TEDC2: variants seen among roughly 807,000 people sequenced by gnomAD.
The protein encoded by TEDC2 is tubulin epsilon and delta complex 2, also known as tubulin epsilon and delta complex protein 2.
TEDC2 carries 49 observed loss-of-function variants against 48.1 expected under a neutral mutation model. The observed-to-expected ratio is 1.02, with a 90% CI of 0.81 to 1.29. The LOEUF is 1.29. Among genes scored for constraint, TEDC2 ranks in the 50% most tolerant of loss-of-function variants. The pLI is 0.00. For synonymous variants in TEDC2, 299 were observed against 247.1 expected, an observed-to-expected ratio of 1.21 and a Z score of -1.97; for missense variants, 631 against 571.4, an observed-to-expected ratio of 1.10 and a Z score of -1.06.
rs1337987528 is a variant in TEDC2, at chr16:2,464,084, C to T, written c.1010C>T (p.Pro337Leu). ...AGACCATGTCCTGTGGGGAGGCCCC[C>T]CGGAGCCTCGCCGTCCTGTGGGGGT... ...PPRPCPVGRP[P>L]GASPSCGGRA... The change falls in exon 9 of 10, where the codon CCC becomes CTC. Residue 337 changes from proline to leucine, a missense_variant. Transcript: ENST00000361837. 5.0e-6 allele frequency: 8 copies of T among 1,612,890 alleles called. No homozygotes were observed. Among genetic ancestry groups the T allele is most frequent in the South Asian group, 1.1e-5 (1 of 91,070 alleles).
chr16:2,463,627 CAAA>C (rs56380126), intron 8 of TEDC2, among the ~76,000 whole-genome samples: 41 of 103,210 alleles, frequency 4.0e-4, no homozygotes, highest in African/African-American at 1.1e-3. Context: ...ACTCCGTCTC[CAAA>C]AAAAAAAAAA....
Position 2,460,529 on chromosome 16 carries a change from C to T in TEDC2, c.126-94C>T, listed in dbSNP as rs553994124. The T allele has an allele frequency of 1.9e-6, 3 of 1,552,100 alleles. No individual in the cohort carries two copies. The East Asian group carries it at 6.9e-5, about 36-fold the overall frequency. ...CCCTCCTTACCCTGCAGGCTCTGAG[C>T]TGGGGGCCTGCCGCGGGGCCCGGCG... On this transcript the variant is annotated intron_variant, in intron 2 of 9. Transcript: ENST00000361837.
In TEDC2 at chr16:2,462,421, G is replaced by A. The variant is rs2065472371; in HGVS notation, c.757G>A (p.Gly253Arg). Reference sequence around the variant, plus strand: ...TTTCCTGACCCATATCCAGTCAGGCGGGCCCCAGCCCAGGCTCAGTGCTGT... The same window carrying A: ...TTTCCTGACCCATATCCAGTCAGGCAGGCCCCAGCCCAGGCTCAGTGCTGT... The part of the protein sequence containing the change: ...FLQNMQTASG[G>R]PQPRLSAVEV... The change falls in exon 7 of 10, where the codon GGG becomes AGG. Residue 253 changes from glycine (G) to arginine (R), a missense_variant. Coordinates refer to ENST00000361837, the MANE Select transcript of TEDC2 (RefSeq NM_025108.3). 12 of 1,611,986 alleles carry A rather than the reference G, an allele frequency of 7.4e-6. No homozygotes were observed. Among genetic ancestry groups the A allele is most frequent in the African/African-American group, 4.0e-5 (3 of 74,912 alleles).
In TEDC2 at chr16:2,462,630, G is replaced by T; in HGVS notation, c.863-1G>T. The T allele has an allele frequency of 6.5e-7, 1 of 1,543,172 alleles. No homozygotes were observed. The highest frequency in any genetic ancestry group is 1.2e-5 in the South Asian group (1 of 83,276). ...ACCTGCTCTCCCTGACTCTTCTGCAGCCCCCATGGACTGGATGCAGGAGTA... is the reference window on the plus strand; with the variant it reads ...ACCTGCTCTCCCTGACTCTTCTGCATCCCCCATGGACTGGATGCAGGAGTA... On this transcript the variant is annotated splice_acceptor_variant, in intron 7 of 9. Transcript: ENST00000361837. LOFTEE classifies it high-confidence loss of function.
At position 2,464,392 on chromosome 16, in the gene TEDC2, C is replaced by A; in HGVS notation, c.1156-130C>A. ...GTGCATGGGTCAGACGGGGCTGGGA[C>A]GGCAGGAGGGAGCCTGGAGCCTCAG... On this transcript the variant is annotated intron_variant, in intron 9 of 9. Transcript: ENST00000361837. The A allele has an allele frequency of 3.0e-6, 4 of 1,319,462 alleles. No homozygotes were observed. The South Asian group carries it at 4.3e-5, about 14-fold the overall frequency. 81.7% of individuals were successfully genotyped at this position (1,319,462 alleles called of 1,614,324 possible).
rs1413049621 is a variant in TEDC2, at chr16:2,464,917, T to C, written c.*249T>C. On this transcript the variant is annotated 3_prime_UTR_variant, in exon 10 of 10. Transcript: ENST00000361837. The stretch of plus-strand genomic sequence containing the variant: ...TGGCTCCCTCTGTTTTCTCTCACTG[T>C]AGACCAAAGAGCCGCTTGTGTGATA... 2 of 551,330 alleles carry C rather than the reference T, an allele frequency of 3.6e-6. No homozygotes were observed. The highest frequency in any genetic ancestry group is 6.4e-5 in the East Asian group (2 of 31,174). The allele number at this position is 551,330 out of a possible 1,614,324, so 34.2% of individuals were successfully genotyped here. A position where few individuals can be genotyped will look rare whatever the true frequency, so the allele number is the denominator to read the frequency against.
chr16:2,464,469 GC>G, intron 9 of TEDC2, 52 bp from the exon 10 acceptor site: 3 of 1,499,744 alleles, frequency 2.0e-6, no homozygotes, highest in Admixed American at 2.1e-5. Flanking sequence ...TCCCAGGATT[GC>G]CCCCCGCCTA....
In TEDC2 at chr16:2,460,305, G is replaced by A; in HGVS notation, c.49G>A (p.Ala17Thr). The change falls in exon 2 of 10, where the codon GCC becomes ACC. Residue 17 changes from alanine to threonine, a missense_variant. Transcript: ENST00000361837. The part of the protein sequence containing the change: ...SRRLVAELQG[A>T]LDACAQRQLQ... ...CAGGCTGGTGGCCGAGCTGCAGGGC[G>A]CCCTGGACGCCTGCGCACAGCGACA... 1 of 1,532,628 alleles carries A rather than the reference G, an allele frequency of 6.5e-7. No homozygotes were observed. Among genetic ancestry groups the A allele is most frequent in the South Asian group, 1.2e-5 (1 of 83,120 alleles). The allele number at this position is 1,532,628 out of a possible 1,614,324, so 94.9% of individuals were successfully genotyped here. A position where few individuals can be genotyped will look rare whatever the true frequency, so the allele number is the denominator to read the frequency against.
chr16:2,462,294 G>A, intron 6 of TEDC2, 55 bp downstream of exon 6: 2 of 1,606,580 alleles, frequency 1.2e-6, no homozygotes, highest in Non-Finnish European at 1.7e-6. Context: ...GAACCTGGCA[G>A]GTTTGCAGAG....
intron 4 of TEDC2, chr16:2,461,461 C>T (rs2065466288): frequency 1.5e-6 from 1 of 664,824 alleles, no homozygotes; most frequent in South Asian, 2.2e-5. Flanking sequence ...CTGTGGCTGT[C>T]CCCTTATTTG....
At chr16:2,460,490 G>A (rs930377489) in intron 2 of TEDC2, 109 bp downstream of exon 2, 1 of 1,499,936 alleles carries the variant, frequency 6.7e-7, no homozygotes, top group East Asian at 2.4e-5. Flanking sequence ...CGGAGCTGTG[G>A]GTTGTCAGTG....
In TEDC2 at chr16:2,460,611, G is replaced by A. The variant is rs755530478; in HGVS notation, c.126-12G>A. 4 of 1,612,576 alleles carry A rather than the reference G, an allele frequency of 2.5e-6. No homozygotes were observed. The highest frequency in any genetic ancestry group is 1.7e-4 in the Middle Eastern group (1 of 6,044). On this transcript the variant is annotated splice_polypyrimidine_tract_variant and intron_variant, in intron 2 of 9. Coordinates refer to ENST00000361837, the MANE Select transcript of TEDC2 (RefSeq NM_025108.3). ...CCTCCTGGCCGTGCGACGGCTGCCC[G>A]TGTCTTTGCAGGGAACCAACTGGGA...
chr16:2,461,806 G>A lies in TEDC2; in HGVS notation c.659+6G>A. 2 of 1,613,516 alleles carry A rather than the reference G, an allele frequency of 1.2e-6. No individual in the cohort carries two copies. The highest frequency in any genetic ancestry group is 1.7e-6 in the Non-Finnish European group (2 of 1,179,994). ...GCAGCTTCCCAGAACTCGAGGTGAGGCTGAGGTCTTTGGCTGGACGGGGGT... is the reference window on the plus strand; with the variant it reads ...GCAGCTTCCCAGAACTCGAGGTGAGACTGAGGTCTTTGGCTGGACGGGGGT... On this transcript the variant is annotated splice_donor_region_variant and intron_variant, in intron 5 of 9. Coordinates refer to ENST00000361837, the MANE Select transcript of TEDC2 (RefSeq NM_025108.3).
chr16:2,461,486 T>C (rs1045824209), intron 4 of TEDC2: 10 of 641,646 alleles, frequency 1.6e-5, no homozygotes, highest in Non-Finnish European at 2.6e-5. Flanking sequence ...GGCCAGAGGC[T>C]CCAGATGGGC....
Position 2,464,009 on chromosome 16 carries a change from C to G in TEDC2, c.965-30C>G, listed in dbSNP as rs767787914. 101 of 1,589,886 alleles carry G rather than the reference C, an allele frequency of 6.4e-5. No individual in the cohort carries two copies. The Admixed American group carries it at 1.7e-3, about 26-fold the overall frequency. ...GCGGGGCCCTGGGTTCGGCTGCTAC[C>G]CCAAAGGCCACATTCTCCTGTGCAC... On this transcript the variant is annotated intron_variant, in intron 8 of 9. Transcript: ENST00000361837.
chr16:2,464,782 G>C lies in TEDC2; in HGVS notation c.*114G>C. On this transcript the variant is annotated 3_prime_UTR_variant, in exon 10 of 10. Coordinates refer to ENST00000361837, the MANE Select transcript of TEDC2 (RefSeq NM_025108.3). Reference sequence around the variant, plus strand: ...CTTCCCTGGGAAACCTGGTGAACTGGACCAGGTGGCCTCACTGGCTCTTCT... The same window carrying C: ...CTTCCCTGGGAAACCTGGTGAACTGCACCAGGTGGCCTCACTGGCTCTTCT... The C allele has an allele frequency of 3.5e-6, 5 of 1,418,802 alleles. No individual in the cohort carries two copies. The highest frequency in any genetic ancestry group is 1.4e-5 in the African/African-American group (1 of 70,806). 87.9% of individuals were successfully genotyped at this position (1,418,802 alleles called of 1,614,324 possible).
At chr16:2,462,055 C>T (rs1214860340) in intron 5 of TEDC2, 94 bp from the exon 6 acceptor site, 1 of 1,415,306 alleles carries the variant, frequency 7.1e-7, no homozygotes, top group African/African-American at 1.4e-5. Flanking sequence ...GGGTCCCCAC[C>T]CTGGCCCTTG....
In TEDC2 at chr16:2,464,648, CG is replaced by C. The variant is rs1567397048; in HGVS notation, c.1285del (p.Asp429MetfsTer42). On this transcript the variant is annotated frameshift_variant, in exon 10 of 10. Transcript: ENST00000361837. LOFTEE classifies it high-confidence loss of function. ...AGGAGCACGTGTCCTTACCATCCTG[CG>C]GGATGAACCTGCAGTCTGAGCCTTT... ...EGGARVLTILRDEPAV is the reference protein window; with the variant it reads ...EGGARVLTILXDEPAV The C allele has an allele frequency of 6.2e-7, 1 of 1,612,988 alleles. No individual in the cohort carries two copies. Among genetic ancestry groups the C allele is most frequent in the South Asian group, 1.1e-5 (1 of 91,060 alleles).
chr16:2,461,387 G>T, intron 4 of TEDC2, 163 bp downstream of exon 4: 8 of 1,013,056 alleles, frequency 7.9e-6, no homozygotes, highest in Non-Finnish European at 1.1e-5. Flanking sequence ...AAGCAGCTGT[G>T]TGGTGGTGTC....
Sources: gnomAD v4.1 joint callset for allele counts (sites outside exome capture counted in the v4.1 genomes callset) on GRCh38, gnomAD v4.1.1 for gene constraint, MANE v1.5 for transcripts, NCBI Gene and HGNC (gene_info 2026-07-23, HGNC 2026-07-21) for gene names.